DCAF1: variants seen among roughly 807,000 people sequenced by gnomAD.
The protein encoded by DCAF1 is DDB1- and CUL4-associated factor 1.
Under a neutral mutation model 128.0 loss-of-function variants are expected in DCAF1, and 15 were observed. That is an observed-to-expected ratio of 0.12 (90% confidence interval 0.08 to 0.18). The LOEUF (loss-of-function observed/expected upper bound fraction) is 0.18, where lower values mean the gene tolerates loss of function less well. Ranked by LOEUF, DCAF1 falls within the 10% of genes least tolerant of loss-of-function variation. DCAF1 has a pLI of 1.00. For missense variants in DCAF1, 988 were observed against 1,649.5 expected (o/e 0.60, Z 6.95); for synonymous variants, 610 against 603.0 (o/e 1.01, Z -0.17).
chr3:51,405,995 C>T (rs1336828750), intron 23 of DCAF1, among the ~76,000 whole-genome samples: 2 of 152,042 alleles, frequency 1.3e-5, no homozygotes, highest in Admixed American at 1.3e-4. Context: ...GATTGTGCCA[C>T]TGCACTCCAG....
At chr3:51,463,092 G>T (rs1553645153) in intron 6 of DCAF1, 22 bp downstream of exon 6, 1 of 1,482,308 alleles carries the variant, frequency 6.7e-7, no homozygotes, top group South Asian at 1.3e-5. Flanking sequence ...ATAAAATTAT[G>T]ACTTTACTTT....
intron 9 of DCAF1, among the ~76,000 whole-genome samples, chr3:51,437,843 A>G (rs1553637347): frequency 6.6e-6 from 1 of 152,078 alleles, no homozygotes; most frequent in Non-Finnish European, 1.5e-5. Flanking sequence ...AATAAAATGC[A>G]TAACACAAAC....
chr3:51,478,427 T>C (rs540649075), intron 3 of DCAF1, among the ~76,000 whole-genome samples: 1 of 152,322 alleles, frequency 6.6e-6, no homozygotes, highest in East Asian at 1.9e-4. Flanking sequence ...TATGATAATG[T>C]AAAATAATGT....
intron 23 of DCAF1, among the ~76,000 whole-genome samples, chr3:51,406,748 T>A (rs1040269768): frequency 6.6e-6 from 1 of 152,182 alleles, no homozygotes; most frequent in African/African-American, 2.4e-5. Context: ...CTGCTCTGGA[T>A]CTCAACCAAC....
rs1167474829 is a variant in DCAF1 at position 51,451,069 on chromosome 3, CTTTTTTTTTTTTTTTTTTT to C, written c.376-7185_376-7167del. On this transcript the variant is annotated intron_variant, in intron 6 of 24. Transcript: ENST00000684031. ...CAATGAACAATATAAAAAGGAAATTCTTTTTTTTTTTTTTTTTTTTTTTTTTTTTTTTTTTTAGTGACAA... is the reference window on the plus strand; with the variant it reads ...CAATGAACAATATAAAAAGGAAATTCTTTTTTTTTTTTTTTTTAGTGACAA... Among the ~76,000 whole-genome samples, 30 of 27,110 alleles carry C rather than the reference CTTTTTTTTTTTTTTTTTTT, an allele frequency of 1.1e-3. 1 individual carries two copies. The highest frequency in any genetic ancestry group is 7.3e-3 in the South Asian group (4 of 548). 17.8% of individuals were successfully genotyped at this position (27,110 alleles called of 152,430 possible). A position where few individuals can be genotyped will look rare whatever the true frequency, so the allele number is the denominator to read the frequency against.
In DCAF1 at chr3:51,436,640, T is replaced by C. The variant is rs374508039; in HGVS notation, c.1129-3376A>G. Among the ~76,000 whole-genome samples, 20 of 152,342 alleles carry C rather than the reference T, an allele frequency of 1.3e-4. No homozygotes were observed. In the South Asian group the frequency reaches 2.9e-3, roughly 22 times the overall value. On this transcript the variant is annotated intron_variant, in intron 9 of 24. Coordinates refer to ENST00000684031, the MANE Select transcript of DCAF1 (RefSeq NM_001387579.1). ...ATAATTTATAAAGGATCTGTGTAGT[T>C]TGAACGTATTTTAATAACTTCAGTA...
At chr3:51,405,421 CA>C (rs782763970) in intron 23 of DCAF1, among the ~76,000 whole-genome samples, 6 of 152,074 alleles carry the variant, frequency 3.9e-5, no homozygotes, top group Non-Finnish European at 7.3e-5. Flanking sequence ...CAGACAAACC[CA>C]AATTTTACTT....
rs113566800 is a variant in DCAF1 at position 51,463,235 on chromosome 3, G to C, written c.262-8C>G. 174 of 1,447,464 alleles carry C rather than the reference G, an allele frequency of 1.2e-4. 1 individual carries two copies. Among genetic ancestry groups the C allele is most frequent in the Admixed American group, 1.9e-4 (8 of 42,844 alleles). The allele number at this position is 1,447,464 out of a possible 1,614,324, so 89.7% of individuals were successfully genotyped here. On this transcript the variant is annotated splice_region_variant and splice_polypyrimidine_tract_variant and intron_variant, in intron 5 of 24. Coordinates refer to ENST00000684031, the MANE Select transcript of DCAF1 (RefSeq NM_001387579.1). ...CACATATGCATTCACCAGCTGTAAA[G>C]AAAAAAAAGAAATACTGTTCATCTA...
intron 13 of DCAF1, among the ~76,000 whole-genome samples, chr3:51,425,038 T>C (rs1699780363): frequency 6.6e-6 from 1 of 152,238 alleles, no homozygotes. Context: ...ATTAATTATG[T>C]GTATTTGCAA....
At chr3:51,403,950 T>A (rs909590474) in intron 23 of DCAF1, among the ~76,000 whole-genome samples, 1 of 152,116 alleles carries the variant, frequency 6.6e-6, no homozygotes, top group Admixed American at 6.5e-5. Context: ...TATAGAACAC[T>A]AACAGAAACC....
chr3:51,463,193 G>A lies in DCAF1; in HGVS notation c.296C>T (p.Pro99Leu), dbSNP rs141249956. The part of the protein sequence containing the change: ...VNAYVMTSRE[P>L]PLNTAACRLL... The stretch of plus-strand genomic sequence containing the variant: ...TCTGCAAGCTGCAGTGTTTAAAGGG[G>A]GCTCTCGGCTTGTCATCACATATGC... The change falls in exon 6 of 25, where the codon CCC (proline) becomes CTC (leucine). Residue 99 changes from proline (P) to leucine (L), a missense_variant. By Grantham distance (98) the Pro-to-Leu change is moderately conservative. Around this residue, in one of 11 missense-constraint regions of DCAF1, gnomAD observed 210 missense variants for 260.2 expected, o/e 0.81. Coordinates refer to ENST00000684031, the MANE Select transcript of DCAF1 (RefSeq NM_001387579.1). 4.4e-6 allele frequency: 7 copies of A among 1,590,666 alleles called. No individual in the cohort carries two copies. In the East Asian group the frequency reaches 1.4e-4, roughly 31 times the overall value.
chr3:51,440,598 T>G (rs1303642652), intron 9 of DCAF1, among the ~76,000 whole-genome samples: 2 of 140,116 alleles, frequency 1.4e-5, no homozygotes, highest in African/African-American at 5.4e-5. Context: ...GTGAGACCTA[T>G]CTCTAAAAAT....
At chr3:51,441,164 A>G (rs551571147) in intron 8 of DCAF1, 93 bp from the exon 9 acceptor site, 3 of 1,275,720 alleles carry the variant, frequency 2.4e-6, no homozygotes, top group East Asian at 5.0e-5. Context: ...TAAAGAAATG[A>G]TGCACCTCTT....
intron 12 of DCAF1, among the ~76,000 whole-genome samples, chr3:51,427,903 ATCCTCCCACCTCAGCC>A (rs1231417551): frequency 2.6e-5 from 4 of 152,064 alleles, no homozygotes; most frequent in Admixed American, 2.6e-4. Context: ...GACTCAAGCG[ATCCTCCCACCTCAGCC>A]TCCTCAAGTG....
Position 51,422,299 on chromosome 3 carries a change from C to A in DCAF1, c.1972+8G>T. On this transcript the variant is annotated splice_region_variant and intron_variant, in intron 14 of 24. Transcript: ENST00000684031. ...AAGAAACAACAAAAATGGCAAAGTA[C>A]AACCTACCTACAGTAGAGACTGTAG... is the stretch of plus-strand genomic sequence containing the variant. The A allele has an allele frequency of 1.3e-6, 1 of 761,734 alleles. No individual in the cohort carries two copies. The highest frequency in any genetic ancestry group is 1.8e-5 in the Admixed American group (1 of 55,920). 47.2% of individuals were successfully genotyped at this position (761,734 alleles called of 1,614,324 possible).
intron 13 of DCAF1, among the ~76,000 whole-genome samples, chr3:51,424,702 T>C (rs1553633656): frequency 6.6e-6 from 1 of 152,130 alleles, no homozygotes; most frequent in Non-Finnish European, 1.5e-5. Context: ...TCAACATATA[T>C]AAATCTCAAG....
chr3:51,485,412 G>C (rs569346788), intron 2 of DCAF1, among the ~76,000 whole-genome samples: 1 of 152,292 alleles, frequency 6.6e-6, no homozygotes, highest in Admixed American at 6.5e-5. Flanking sequence ...GAATGCAGAA[G>C]GGCAGGGAGC....
intron 1 of DCAF1, among the ~76,000 whole-genome samples, chr3:51,498,657 C>T (rs1366593199): frequency 6.6e-6 from 1 of 152,162 alleles, no homozygotes; most frequent in Non-Finnish European, 1.5e-5. Context: ...GCAAGAGATA[C>T]TAAGTACAAA....
intron 3 of DCAF1, among the ~76,000 whole-genome samples, chr3:51,481,695 T>A (rs1237822537): frequency 7.4e-5 from 11 of 148,820 alleles, no homozygotes; most frequent in African/African-American, 2.2e-4. Flanking sequence ...TCAAAAAAAA[T>A]GAAAGGTAAA....
Sources: allele counts gnomAD v4.1 joint callset (sites outside exome capture counted in the v4.1 genomes callset), GRCh38; gene constraint gnomAD v4.1.1; regional missense constraint gnomAD v4.1.1; transcripts MANE v1.5; gene names NCBI Gene and HGNC (gene_info 2026-07-23, HGNC 2026-07-21).